The following CACNA1E variants were observed in gnomAD, a reference collection of about 807,000 sequenced individuals.
CACNA1E encodes voltage-dependent R-type calcium channel subunit alpha-1E.
A neutral mutation model predicts 259.2 loss-of-function variants in CACNA1E; 40 were observed. That is an observed-to-expected ratio of 0.15 (90% CI 0.12 to 0.20). The LOEUF is 0.20. Among genes scored for constraint, CACNA1E ranks in the 10% least tolerant of loss-of-function variants. CACNA1E has a pLI of 1.00. For missense variants in CACNA1E, 1,874 were observed against 3,040.1 expected (o/e 0.62, Z 9.02); for synonymous variants, 1,104 against 1,138.5 (o/e 0.97, Z 0.61).
At position 181,721,697 on chromosome 1, in the gene CACNA1E, A is replaced by C. The variant is rs1171231466; in HGVS notation, c.1957-61A>C. On this transcript the variant is annotated intron_variant, in intron 15 of 47. Coordinates refer to ENST00000367573, the MANE Select transcript of CACNA1E (RefSeq NM_001205293.3). ...CCCAGGCCCAGAATTTGCCCTTGGC[A>C]TTGGCCCCATTTTCTCCTCCAGCCC... The C allele has an allele frequency of 2.8e-6, 3 of 1,068,852 alleles. No homozygotes were observed. The East Asian group carries it at 7.3e-5, about 26-fold the overall frequency. The allele number at this position is 1,068,852 out of a possible 1,614,324, so 66.2% of individuals were successfully genotyped here.
chr1:181,480,465 A>G (rs1173314026), upstream of CACNA1E, among the ~76,000 whole-genome samples: 3 of 152,234 alleles, frequency 2.0e-5, no homozygotes, highest in South Asian at 2.1e-4. Context: ...AAGAAGGCAG[A>G]TATCAACTCC....
intron 7 of CACNA1E, among the ~76,000 whole-genome samples, chr1:181,684,777 T>G (rs1418622972): frequency 6.6e-6 from 1 of 152,084 alleles, no homozygotes; most frequent in Admixed American, 6.6e-5. Context: ...CTCTCTTGTC[T>G]TCATTTGGTT....
intron 6 of CACNA1E, among the ~76,000 whole-genome samples, chr1:181,620,999 A>G (rs939911364): frequency 2.0e-5 from 3 of 152,250 alleles, no homozygotes; most frequent in Non-Finnish European, 4.4e-5. Flanking sequence ...AAGCATGGAA[A>G]AAAACAAGGA....
chr1:181,760,435 A>G (rs966873332), intron 32 of CACNA1E, among the ~76,000 whole-genome samples: 1 of 152,232 alleles, frequency 6.6e-6, no homozygotes, highest in Non-Finnish European at 1.5e-5. Context: ...TGTCACTATC[A>G]TAATTGCCAT....
upstream of CACNA1E, among the ~76,000 whole-genome samples, chr1:181,480,438 C>T (rs1329753378): frequency 6.6e-6 from 1 of 152,190 alleles, no homozygotes; most frequent in East Asian, 1.9e-4. Flanking sequence ...TTTATGATTC[C>T]TGTCTCCTTG....
chr1:181,581,065 T>C (rs1651466279), intron 6 of CACNA1E, among the ~76,000 whole-genome samples: 1 of 152,186 alleles, frequency 6.6e-6, no homozygotes, highest in Non-Finnish European at 1.5e-5. Flanking sequence ...AGTTACAGAA[T>C]ATGTTGGTTG....
At chr1:181,526,364 T>C (rs1025700994) in intron 3 of CACNA1E, among the ~76,000 whole-genome samples, 2 of 151,458 alleles carry the variant, frequency 1.3e-5, no homozygotes, top group Non-Finnish European at 2.9e-5. Flanking sequence ...CTGACCGTGA[T>C]GCTACACTGC....
chr1:181,579,045 T>A (rs966372276), intron 4 of CACNA1E, 27 bp from the exon 5 acceptor site: 5 of 1,577,032 alleles, frequency 3.2e-6, no homozygotes, highest in Non-Finnish European at 4.3e-6. Context: ...GACAGCTGCA[T>A]TGGTCATTCT....
At chr1:181,427,518 C>T (rs1398765217) in intron 2 of CACNA1E, among the ~76,000 whole-genome samples, 1 of 148,638 alleles carries the variant, frequency 6.7e-6, no homozygotes. Flanking sequence ...TGCTCTCTAC[C>T]TCAACTCCTC....
intron 6 of CACNA1E, among the ~76,000 whole-genome samples, chr1:181,634,909 C>A (rs534265518): frequency 2.6e-5 from 4 of 152,232 alleles, no homozygotes; most frequent in African/African-American, 9.6e-5. Context: ...CCTGCCTCTA[C>A]GATGGGCTCT....
chr1:181,400,168 G>GA (rs1656991077), intron 1 of CACNA1E, among the ~76,000 whole-genome samples: 2 of 152,292 alleles, frequency 1.3e-5, no homozygotes, highest in East Asian at 3.9e-4. Context: ...TAAAAATCTA[G>GA]CATTCATTAT....
At chr1:181,453,765 T>A (rs750406848) in intron 2 of CACNA1E, among the ~76,000 whole-genome samples, 5 of 152,138 alleles carry the variant, frequency 3.3e-5, no homozygotes, top group Non-Finnish European at 7.4e-5. Context: ...GTGTGGTTGA[T>A]GATAGAGAGC....
At chr1:181,482,637 T>C (rs1001672434), upstream of CACNA1E, among the ~76,000 whole-genome samples, 13 of 152,258 alleles carry the variant, frequency 8.5e-5, no homozygotes, top group Non-Finnish European at 1.6e-4. Flanking sequence ...CGCCGCTCGC[T>C]GTCCTCTGCC....
chr1:181,537,551 G>C (rs187507242), intron 3 of CACNA1E, among the ~76,000 whole-genome samples: 3 of 152,168 alleles, frequency 2.0e-5, no homozygotes, highest in Non-Finnish European at 4.4e-5. Context: ...TTTGGTGGAA[G>C]GGGGGAGAGG....
chr1:181,438,513 C>CTTT (rs1660233962), intron 2 of CACNA1E, among the ~76,000 whole-genome samples: 2 of 152,044 alleles, frequency 1.3e-5, no homozygotes, highest in South Asian at 4.1e-4. Flanking sequence ...TTGCTTTTGC[C>CTTT]TTTTTATTTT....
intron 7 of CACNA1E, among the ~76,000 whole-genome samples, chr1:181,708,463 C>T (rs535745064): frequency 6.6e-6 from 1 of 152,140 alleles, no homozygotes; most frequent in Non-Finnish European, 1.5e-5. Flanking sequence ...AATGCTTATC[C>T]TAGATGCTCA....
chr1:181,749,106 G>A lies in CACNA1E; in HGVS notation c.3720-1370G>A, dbSNP rs74875405. On this transcript the variant is annotated intron_variant, in intron 25 of 47. Coordinates refer to ENST00000367573, the MANE Select transcript of CACNA1E (RefSeq NM_001205293.3). Reference sequence around the variant, plus strand: ...GAAAATTAATTTAATTTTGAATATGGGATCATTTGTTGAGTAAAATAACCA... The same window carrying A: ...GAAAATTAATTTAATTTTGAATATGAGATCATTTGTTGAGTAAAATAACCA... Among the ~76,000 whole-genome samples the A allele has an allele frequency of 2.6e-3, 401 of 152,224 alleles. 2 individuals carry two copies. Among genetic ancestry groups the A allele is most frequent in the African/African-American group, 9.4e-3 (390 of 41,532 alleles).
At position 181,772,239 on chromosome 1, in the gene CACNA1E, A is replaced by G. The variant is rs1659580386; in HGVS notation, c.5139+8A>G. ...TTCTTCTGCTCCTTCTTGGTGAGCAACATTGTGCTTTTGCCTTGCTATGTG... is the reference window on the plus strand; with the variant it reads ...TTCTTCTGCTCCTTCTTGGTGAGCAGCATTGTGCTTTTGCCTTGCTATGTG... On this transcript the variant is annotated splice_region_variant and intron_variant, in intron 37 of 47. Coordinates refer to ENST00000367573, the MANE Select transcript of CACNA1E (RefSeq NM_001205293.3). The G allele has an allele frequency of 2.5e-6, 4 of 1,611,110 alleles. No individual in the cohort carries two copies. The East Asian group carries it at 8.9e-5, about 36-fold the overall frequency.
At chr1:181,578,927 A>G (rs1026370802) in intron 4 of CACNA1E, 145 bp from the exon 5 acceptor site, 3 of 634,264 alleles carry the variant, frequency 4.7e-6, no homozygotes, top group African/African-American at 3.7e-5. Flanking sequence ...AATTTCCTTT[A>G]GGAAAGGAGC....
Sources: gnomAD v4.1 joint callset for allele counts (sites outside exome capture counted in the v4.1 genomes callset) on GRCh38, gnomAD v4.1.1 for gene constraint, MANE v1.5 for transcripts, NCBI Gene and HGNC (gene_info 2026-07-23, HGNC 2026-07-21) for gene names.